CNTNAP2: variants seen among roughly 807,000 people sequenced by gnomAD.
The protein encoded by CNTNAP2 is contactin-associated protein-like 2.
Under a neutral mutation model 155.2 loss-of-function variants are expected in CNTNAP2, and 98 were observed. The observed-to-expected ratio is 0.63, with a 90% CI of 0.54 to 0.75. The LOEUF (loss-of-function observed/expected upper bound fraction) is 0.75. CNTNAP2 is among the 30% of genes least tolerant of loss of function. The probability of loss-of-function intolerance (pLI) is 0.00; values close to 1 mark genes in which losing one functional copy is unlikely to be tolerated. For missense variants in CNTNAP2, 1,727 were observed against 1,688.1 expected (o/e 1.02, Z -0.40); for synonymous variants, 651 against 631.2 (o/e 1.03, Z -0.47).
At chr7:147,958,651 TA>T (rs1357339385) in intron 14 of CNTNAP2, among the ~76,000 whole-genome samples, 2 of 152,014 alleles carry the variant, frequency 1.3e-5, no homozygotes, top group African/African-American at 4.8e-5. Context: ...ATTTAAAGTA[TA>T]GATTGCATAA....
intron 15 of CNTNAP2, among the ~76,000 whole-genome samples, chr7:148,057,965 A>ATTATTG (rs939961764): frequency 1.4e-5 from 2 of 147,578 alleles, no homozygotes; most frequent in African/African-American, 4.9e-5. Context: ...TATTATTATT[A>ATTATTG]TTATTATTAT....
At chr7:146,739,142 C>T (rs561667132) in intron 1 of CNTNAP2, among the ~76,000 whole-genome samples, 2 of 151,748 alleles carry the variant, frequency 1.3e-5, no homozygotes, top group East Asian at 3.9e-4. Flanking sequence ...TTGATTTCTG[C>T]CCTGGTCCTT....
intron 8 of CNTNAP2, among the ~76,000 whole-genome samples, chr7:147,168,451 T>A (rs1378344072): frequency 6.6e-6 from 1 of 152,058 alleles, no homozygotes; most frequent in Non-Finnish European, 1.5e-5. Context: ...AATTGCCTAC[T>A]TTTTTCCTAA....
intron 21 of CNTNAP2, among the ~76,000 whole-genome samples, chr7:148,273,727 C>T (rs1796823763): frequency 6.6e-6 from 1 of 152,160 alleles, no homozygotes; most frequent in Admixed American, 6.6e-5. Context: ...ATAAAGCGAA[C>T]TTCTATCCAT....
Position 147,911,557 on chromosome 7 carries a change from C to T in CNTNAP2, c.2255+7836C>T, listed in dbSNP as rs187708883. 1.9e-3 allele frequency among the ~76,000 whole-genome samples: 293 copies of T among 152,286 alleles called. 2 individuals are homozygous for T. In the South Asian group the frequency reaches 0.029, roughly 15 times the overall value. On this transcript the variant is annotated intron_variant, in intron 14 of 23. Coordinates refer to ENST00000361727, the MANE Select transcript of CNTNAP2 (RefSeq NM_014141.6). The stretch of plus-strand genomic sequence containing the variant: ...GCTGCACGTGGCATAACTCAGGCCA[C>T]ATAACCACATTTCTCTCAAGGCTCA...
chr7:146,263,534 T>G (rs1038783819), intron 1 of CNTNAP2, among the ~76,000 whole-genome samples: 4 of 152,180 alleles, frequency 2.6e-5, no homozygotes, highest in Non-Finnish European at 5.9e-5. Flanking sequence ...AGGCCTTACA[T>G]TTTCAAGTAA....
At chr7:147,858,623 C>T (rs547103052) in intron 13 of CNTNAP2, among the ~76,000 whole-genome samples, 13 of 152,226 alleles carry the variant, frequency 8.5e-5, no homozygotes, top group African/African-American at 2.6e-4. Flanking sequence ...TAATCAAGTT[C>T]GGATGAGGTC....
At chr7:146,801,137 G>T (rs1802869572) in intron 2 of CNTNAP2, among the ~76,000 whole-genome samples, 2 of 152,132 alleles carry the variant, frequency 1.3e-5, no homozygotes, top group Non-Finnish European at 2.9e-5. Context: ...CCTTCATGGA[G>T]GATGAAGGGG....
At chr7:148,318,914 C>A (rs1210874535) in intron 21 of CNTNAP2, among the ~76,000 whole-genome samples, 1 of 152,202 alleles carries the variant, frequency 6.6e-6, no homozygotes, top group African/African-American at 2.4e-5. Flanking sequence ...CCTATTAACT[C>A]AGCTTACCAA....
rs1471454408 is a variant in CNTNAP2 at position 147,128,720 on chromosome 7, G to A, written c.967G>A (p.Gly323Ser). The part of the protein sequence containing the change: ...EITFGGIPFS[G>S]KPSSSSRKNF... ...AACCTTTGGAGGCATCCCTTTCTCT[G>A]GCAAGCCCAGCTCCAGCAGTAGAAA... Residue 323 changes from glycine to serine, a missense_variant, in exon 7 of 24, where the codon GGC becomes AGC. Coordinates refer to ENST00000361727, the MANE Select transcript of CNTNAP2 (RefSeq NM_014141.6). 1.2e-5 allele frequency: 19 copies of A among 1,613,752 alleles called. No individual in the cohort carries two copies. Among genetic ancestry groups the A allele is most frequent in the Non-Finnish European group, 1.6e-5 (19 of 1,179,918 alleles).
intron 1 of CNTNAP2, among the ~76,000 whole-genome samples, chr7:146,394,616 A>G (rs552302691): frequency 6.6e-6 from 1 of 152,288 alleles, no homozygotes; most frequent in East Asian, 1.9e-4. Context: ...AATAAAGTTT[A>G]CTTGCTATAT....
intron 13 of CNTNAP2, among the ~76,000 whole-genome samples, chr7:147,646,731 G>A (rs549148770): frequency 1.3e-5 from 2 of 152,300 alleles, no homozygotes; most frequent in African/African-American, 4.8e-5. Flanking sequence ...CTGCAAGGAA[G>A]TAACACGTTG....
chr7:147,609,660 G>T (rs569359511), intron 12 of CNTNAP2, among the ~76,000 whole-genome samples: 3 of 152,064 alleles, frequency 2.0e-5, no homozygotes, highest in Non-Finnish European at 4.4e-5. Context: ...GGTGATGTAG[G>T]GGTGGGAAGA....
chr7:146,671,472 C>A (rs1393691585), intron 1 of CNTNAP2, among the ~76,000 whole-genome samples: 3 of 151,324 alleles, frequency 2.0e-5, no homozygotes, highest in Non-Finnish European at 1.5e-5. Context: ...TATACAAAAG[C>A]AACCCTGTAA....
At chr7:147,387,263 A>G (rs1032341038) in intron 9 of CNTNAP2, among the ~76,000 whole-genome samples, 3 of 152,182 alleles carry the variant, frequency 2.0e-5, no homozygotes, top group Non-Finnish European at 4.4e-5. Context: ...CTGATTCTCC[A>G]GTCTCTAACA....
At chr7:147,970,069 AT>A (rs1801307517) in intron 14 of CNTNAP2, among the ~76,000 whole-genome samples, 1 of 151,958 alleles carries the variant, frequency 6.6e-6, no homozygotes, top group African/African-American at 2.4e-5. Context: ...AGCTGGGAGT[AT>A]TGATGTACAC....
Position 147,318,505 on chromosome 7 carries a change from A to G in CNTNAP2, c.1498+18215A>G, listed in dbSNP as rs1041041576. On this transcript the variant is annotated intron_variant, in intron 9 of 23. Coordinates refer to ENST00000361727, the MANE Select transcript of CNTNAP2 (RefSeq NM_014141.6). ...AAAGACACTGTTATACTATGCAGCC[A>G]TAAGAAAGAATGAGCTCATGTCCTT... Among the ~76,000 whole-genome samples the G allele has an allele frequency of 2.2e-4, 33 of 152,140 alleles. 1 individual carries two copies. The highest frequency in any genetic ancestry group is 3.7e-4 in the Non-Finnish European group (25 of 68,018).
At chr7:146,586,519 A>G (rs531186297) in intron 1 of CNTNAP2, among the ~76,000 whole-genome samples, 4 of 152,136 alleles carry the variant, frequency 2.6e-5, no homozygotes, top group Non-Finnish European at 4.4e-5. Context: ...GTTTTCTACC[A>G]TTGACATTTA....
At chr7:147,004,212 C>CAAAAAAAAAAAAAAAAAA (rs71525979) in intron 3 of CNTNAP2, among the ~76,000 whole-genome samples, 6 of 97,718 alleles carry the variant, frequency 6.1e-5, no homozygotes, top group South Asian at 3.3e-4. Context: ...ACTCATATAC[C>CAAAAAAAAAAAAAAAAAA]AAAAAAAAAA....
Sources: allele counts gnomAD v4.1 joint callset (sites outside exome capture counted in the v4.1 genomes callset), GRCh38; gene constraint gnomAD v4.1.1; transcripts MANE v1.5; gene names NCBI Gene and HGNC (gene_info 2026-07-23, HGNC 2026-07-21).